The following SPOCK3 variants were observed in gnomAD, a reference collection of about 807,000 sequenced individuals.
The protein encoded by SPOCK3 is SPARC (osteonectin), cwcv and kazal like domains proteoglycan 3.
In SPOCK3, 30 loss-of-function variants were observed where a neutral mutation model predicts 56.6. The observed-to-expected ratio is 0.53, with a 90% CI of 0.40 to 0.72. SPOCK3 has a LOEUF of 0.72. Among genes scored for constraint, SPOCK3 ranks in the 30% least tolerant of loss-of-function variants. The pLI is 0.00. For missense variants in SPOCK3, 527 were observed against 530.0 expected (o/e 0.99, Z 0.06); for synonymous variants, 196 against 183.3 (o/e 1.07, Z -0.56).
At chr4:166,848,288 G>GAA (rs2126861328) in intron 6 of SPOCK3, among the ~76,000 whole-genome samples, 1 of 152,186 alleles carries the variant, frequency 6.6e-6, no homozygotes, top group East Asian at 1.9e-4. Context: ...ACTAGAAAAG[G>GAA]GAGTCAGAAA....
intron 2 of SPOCK3, among the ~76,000 whole-genome samples, chr4:167,157,591 G>T: frequency 6.6e-6 from 1 of 150,592 alleles, no homozygotes; most frequent in Non-Finnish European, 1.5e-5. Context: ...CATTTACCAA[G>T]CATTTTCAGA....
In SPOCK3 at chr4:166,840,771, G is replaced by GTTTTTTTTTTTTTTTTTTT. The variant is rs70955697; in HGVS notation, c.589+48340_589+48358dup. 2.9e-5 allele frequency among the ~76,000 whole-genome samples: 2 copies of GTTTTTTTTTTTTTTTTTTT among 68,194 alleles called. 1 individual carries two copies. Among genetic ancestry groups the GTTTTTTTTTTTTTTTTTTT allele is most frequent in the East Asian group, 8.6e-4 (2 of 2,332 alleles). 44.7% of individuals were successfully genotyped at this position (68,194 alleles called of 152,430 possible). A position where few individuals can be genotyped will look rare whatever the true frequency, so the allele number is the denominator to read the frequency against. On this transcript the variant is annotated intron_variant, in intron 6 of 10. Coordinates refer to ENST00000357545, the MANE Select transcript of SPOCK3 (RefSeq NM_001040159.2). ...CTAATTCATCTTCCCAGAAGCAAAA[G>GTTTTTTTTTTTTTTTTTTT]TTTTTTTTTTTTTTTTTTTTTTTTT...
chr4:166,735,211 T>A lies in SPOCK3; in HGVS notation c.1133-121A>T, dbSNP rs1734102621. The A allele has an allele frequency of 1.7e-5, 11 of 646,698 alleles. No homozygotes were observed. In the East Asian group the frequency reaches 3.0e-4, roughly 18 times the overall value. The allele number at this position is 646,698 out of a possible 1,614,324, so 40.1% of individuals were successfully genotyped here. On this transcript the variant is annotated intron_variant, in intron 10 of 10. Transcript: ENST00000357545. ...GAAAGTAATTTGTTTTCTATCTTAT[T>A]TATCAAAGATAATGAAAGATCCATT...
intron 3 of SPOCK3, among the ~76,000 whole-genome samples, chr4:167,041,806 T>C (rs1753256898): frequency 6.6e-6 from 1 of 152,120 alleles, no homozygotes; most frequent in Non-Finnish European, 1.5e-5. Flanking sequence ...GGACATGGTA[T>C]TTACTCTGAT....
intron 2 of SPOCK3, among the ~76,000 whole-genome samples, chr4:167,064,393 T>C (rs1411001786): frequency 1.3e-5 from 2 of 151,922 alleles, no homozygotes; most frequent in African/African-American, 2.4e-5. Flanking sequence ...ACTGATTATG[T>C]ATTGTCTTTA....
chr4:166,879,764 C>G (rs1733495251), intron 6 of SPOCK3, among the ~76,000 whole-genome samples: 1 of 152,130 alleles, frequency 6.6e-6, no homozygotes, highest in Non-Finnish European at 1.5e-5. Flanking sequence ...GCTCATATCT[C>G]TTGTTGGATT....
chr4:166,794,647 T>C (rs946895858), intron 6 of SPOCK3, among the ~76,000 whole-genome samples: 9 of 149,098 alleles, frequency 6.0e-5, no homozygotes, highest in Non-Finnish European at 9.0e-5. Context: ...TTCTTTCTTT[T>C]TTTTTTTTTT....
At chr4:167,091,383 C>T (rs146069000) in intron 2 of SPOCK3, among the ~76,000 whole-genome samples, 11 of 152,204 alleles carry the variant, frequency 7.2e-5, no homozygotes, top group Admixed American at 2.6e-4. Context: ...CATGGAATTA[C>T]GACACTACAA....
At chr4:166,921,248 T>G (rs1738446354) in intron 4 of SPOCK3, among the ~76,000 whole-genome samples, 1 of 152,190 alleles carries the variant, frequency 6.6e-6, no homozygotes, top group Non-Finnish European at 1.5e-5. Context: ...GCCTAATATT[T>G]TATCCTATAG....
At chr4:166,799,678 C>A (rs541998249) in intron 6 of SPOCK3, among the ~76,000 whole-genome samples, 1 of 152,060 alleles carries the variant, frequency 6.6e-6, no homozygotes, top group Non-Finnish European at 1.5e-5. Context: ...CTTTAATCTG[C>A]GTGTAGATGA....
intron 2 of SPOCK3, among the ~76,000 whole-genome samples, chr4:167,108,890 A>C (rs1580317552): frequency 7.0e-6 from 1 of 142,060 alleles, no homozygotes; most frequent in East Asian, 2.0e-4. Context: ...TTTACTTTGC[A>C]TTTCTGTATC....
chr4:166,897,802 C>T (rs1735548581), intron 5 of SPOCK3, among the ~76,000 whole-genome samples: 2 of 152,168 alleles, frequency 1.3e-5, no homozygotes, highest in Non-Finnish European at 1.5e-5. Context: ...ACACAAGTCT[C>T]ACAGACCATA....
At chr4:166,743,121 A>G (rs1191624641) in intron 8 of SPOCK3, among the ~76,000 whole-genome samples, 2 of 152,092 alleles carry the variant, frequency 1.3e-5, no homozygotes, top group African/African-American at 2.4e-5. Context: ...TATAATATGT[A>G]ATATATACAG....
intron 7 of SPOCK3, among the ~76,000 whole-genome samples, chr4:166,782,793 G>T (rs2126622278): frequency 6.6e-6 from 1 of 152,134 alleles, no homozygotes; most frequent in Non-Finnish European, 1.5e-5. Context: ...TTGTAAATAG[G>T]TTTAAAGATT....
chr4:166,820,131 T>C (rs1744775493), intron 6 of SPOCK3, among the ~76,000 whole-genome samples: 1 of 152,064 alleles, frequency 6.6e-6, no homozygotes, highest in South Asian at 2.1e-4. Context: ...GCAAGTTGAC[T>C]AATTAAAACA....
At chr4:166,912,009 A>C (rs994456783) in intron 5 of SPOCK3, among the ~76,000 whole-genome samples, 2 of 152,174 alleles carry the variant, frequency 1.3e-5, no homozygotes, top group East Asian at 1.9e-4. Context: ...AAGCTAAGGA[A>C]ATTTATCAAT....
At chr4:166,786,504 G>T (rs1054633330) in intron 7 of SPOCK3, among the ~76,000 whole-genome samples, 1 of 151,856 alleles carries the variant, frequency 6.6e-6, no homozygotes, top group African/African-American at 2.4e-5. Flanking sequence ...CATGAGATTA[G>T]GAAAAAGAGA....
intron 2 of SPOCK3, among the ~76,000 whole-genome samples, chr4:167,071,632 G>C (rs1561186759): frequency 6.6e-6 from 1 of 151,306 alleles, no homozygotes; most frequent in Non-Finnish European, 1.5e-5. Flanking sequence ...TCTTAATCCA[G>C]TTGGGTTGGT....
intron 4 of SPOCK3, among the ~76,000 whole-genome samples, chr4:166,948,944 A>G (rs899763391): frequency 6.6e-6 from 1 of 152,170 alleles, no homozygotes; most frequent in Non-Finnish European, 1.5e-5. Flanking sequence ...GTGTTTTCCA[A>G]CTTGGTTCCA....
Sources: allele counts gnomAD v4.1 joint callset (sites outside exome capture counted in the v4.1 genomes callset), GRCh38; gene constraint gnomAD v4.1.1; transcripts MANE v1.5; gene names NCBI Gene and HGNC (gene_info 2026-07-23, HGNC 2026-07-21).